The following TP53BP1 variants were observed in gnomAD, a reference collection of about 807,000 sequenced individuals.
TP53BP1 encodes TP53-binding protein 1.
In TP53BP1, 61 loss-of-function variants were observed where a neutral mutation model predicts 200.8. That is an observed-to-expected ratio of 0.30 (90% CI 0.25 to 0.38). The LOEUF (loss-of-function observed/expected upper bound fraction) is 0.38. TP53BP1 is among the 10% of genes least tolerant of loss of function. The pLI is 1.00. For missense variants in TP53BP1, 2,144 were observed against 2,371.9 expected (o/e 0.90, Z 2.00); for synonymous variants, 822 against 844.3 (o/e 0.97, Z 0.46).
At position 43,415,617 on chromosome 15, in the gene TP53BP1, C is replaced by T. The variant is rs769062157; in HGVS notation, c.5066G>A (p.Arg1689His). Residue 1689 changes from arginine to histidine, a missense_variant, in exon 23 of 28, where the codon CGC (arginine) becomes CAC (histidine). Physicochemically the swap from Arg to His is conservative, Grantham distance 29. Around this residue, in one of 4 missense-constraint regions of TP53BP1, gnomAD observed 334 missense variants for 453.4 expected, o/e 0.74. Coordinates refer to ENST00000382044, the MANE Select transcript of TP53BP1 (RefSeq NM_001141980.3). The part of the protein sequence containing the change: ...EEERSPAKRG[R>H]KSATVKPGAV... ...ACCAGGTTTTACTGTGGCAGACTTG[C>T]GACCTCGCTTGGCAGGGGACCGTTC... 1.5e-5 allele frequency: 24 copies of T among 1,614,196 alleles called. No individual in the cohort carries two copies. Among genetic ancestry groups the T allele is most frequent in the Non-Finnish European group, 2.0e-5 (24 of 1,180,030 alleles).
chr15:43,492,477 G>C lies in TP53BP1; in HGVS notation c.8-9C>G. The C allele has an allele frequency of 1.2e-6, 2 of 1,611,058 alleles. No individual in the cohort carries two copies. The highest frequency in any genetic ancestry group is 2.7e-5 in the African/African-American group (2 of 74,960). ...AGGGTCCATCTGCTCCCCTGGAATG[G>C]AATAACAAAAGATCAGTTCCGTGTA... On this transcript the variant is annotated splice_polypyrimidine_tract_variant and intron_variant, in intron 1 of 27. Coordinates refer to ENST00000382044, the MANE Select transcript of TP53BP1 (RefSeq NM_001141980.3).
chr15:43,462,767 A>T (rs1327255813), intron 11 of TP53BP1, among the ~76,000 whole-genome samples: 1 of 152,164 alleles, frequency 6.6e-6, no homozygotes, highest in African/African-American at 2.4e-5. Context: ...TTTAAACTAA[A>T]CAATTCAGGC....
intron 11 of TP53BP1, among the ~76,000 whole-genome samples, chr15:43,461,501 A>G (rs2046430687): frequency 6.6e-6 from 1 of 152,130 alleles, no homozygotes; most frequent in South Asian, 2.1e-4. Flanking sequence ...TACGGGCATG[A>G]GCTACCTCGT....
chr15:43,415,331 C>A (rs2045238130), intron 23 of TP53BP1: 1 of 526,638 alleles, frequency 1.9e-6, no homozygotes, highest in African/African-American at 1.9e-5. Flanking sequence ...ACCTCAGCCT[C>A]CCCAGTAGCT....
intron 18 of TP53BP1, among the ~76,000 whole-genome samples, chr15:43,426,153 T>C (rs960076127): frequency 2.0e-5 from 3 of 147,926 alleles, no homozygotes; most frequent in African/African-American, 7.5e-5. Context: ...ACACAAAGAA[T>C]AAAAAACAGG....
intron 24 of TP53BP1, among the ~76,000 whole-genome samples, chr15:43,412,322 C>G (rs2045139134): frequency 6.6e-6 from 1 of 152,216 alleles, no homozygotes; most frequent in African/African-American, 2.4e-5. Context: ...ATTCAATTCC[C>G]TCTTGCAAGA....
Position 43,406,446 on chromosome 15 carries a change from T to G in TP53BP1, c.*937A>C. On this transcript the variant is annotated 3_prime_UTR_variant, in exon 28 of 28. Transcript: ENST00000382044. ...CAGGAGCTGGCAAACTATGGCCTGC[T>G]GTCTGTTTTTGTACAGTTTTACTGA... 2.8e-6 allele frequency: 1 copy of G among 352,354 alleles called. No homozygotes were observed. The highest frequency in any genetic ancestry group is 5.6e-6 in the Non-Finnish European group (1 of 177,796). 21.8% of individuals were successfully genotyped at this position (352,354 alleles called of 1,614,324 possible).
At chr15:43,461,157 T>A (rs1408580969) in intron 11 of TP53BP1, among the ~76,000 whole-genome samples, 5 of 152,222 alleles carry the variant, frequency 3.3e-5, no homozygotes, top group Non-Finnish European at 1.5e-5. Flanking sequence ...AATGGTTCAC[T>A]GCTATATTAT....
chr15:43,439,130 A>T lies in TP53BP1; in HGVS notation c.3099-714T>A, dbSNP rs1296717207. Among the ~76,000 whole-genome samples, 141 of 152,362 alleles carry T rather than the reference A, an allele frequency of 9.3e-4. 3 individuals carry two copies. The highest frequency in any genetic ancestry group is 1.0e-4 in the Non-Finnish European group (7 of 68,034). On this transcript the variant is annotated intron_variant, in intron 15 of 27. Transcript: ENST00000382044. ...CTGGGTGATGAATACATGGCAGTCC[A>T]TTATACTACTCTCTCTACTTTCGTA...
At chr15:43,478,473 C>G (rs1199504702) in intron 7 of TP53BP1, among the ~76,000 whole-genome samples, 1 of 152,198 alleles carries the variant, frequency 6.6e-6, no homozygotes, top group East Asian at 1.9e-4. Flanking sequence ...CCCACTCTTT[C>G]CATTGAAGGA....
intron 4 of TP53BP1, among the ~76,000 whole-genome samples, chr15:43,481,827 AAAGAG>A (rs1477148578): frequency 1.3e-5 from 2 of 151,106 alleles, no homozygotes; most frequent in Non-Finnish European, 2.9e-5. Flanking sequence ...AAAAAAAAAA[AAAGAG>A]AGAGACAGAG....
rs1334676684 is a variant in TP53BP1 at position 43,407,432 on chromosome 15, A to G, written c.5885T>C (p.Ile1962Thr). The part of the protein sequence containing the change: ...VIQCLIVGER[I>T]GFKQHPKYKH... The stretch of plus-strand genomic sequence containing the variant: ...ATATTTTGGATGCTGCTTGAATCCA[A>G]TTCTCTCCCCAACAATGAGGCACTG... Residue 1962 changes from isoleucine to threonine, a missense_variant, in exon 28 of 28, where the codon ATT (isoleucine) becomes ACT (threonine). Around this residue, in one of 4 missense-constraint regions of TP53BP1, gnomAD observed 334 missense variants for 453.4 expected, o/e 0.74. Coordinates refer to ENST00000382044, the MANE Select transcript of TP53BP1 (RefSeq NM_001141980.3). 2 of 1,614,066 alleles carry G rather than the reference A, an allele frequency of 1.2e-6. No individual in the cohort carries two copies. The highest frequency in any genetic ancestry group is 1.3e-5 in the African/African-American group (1 of 74,916).
chr15:43,488,823 G>A (rs1286311589), intron 4 of TP53BP1, among the ~76,000 whole-genome samples: 1 of 152,190 alleles, frequency 6.6e-6, no homozygotes, highest in East Asian at 1.9e-4. Context: ...GAACCTGGGA[G>A]GCAGAGGTTG....
At chr15:43,496,842 G>A (rs939569290), upstream of TP53BP1, among the ~76,000 whole-genome samples, 1 of 152,016 alleles carries the variant, frequency 6.6e-6, no homozygotes, top group African/African-American at 2.4e-5. Flanking sequence ...AGCAGGTCTC[G>A]AACTCCGGCC....
chr15:43,498,611 G>A (rs975636647), intron 1 of TP53BP1, among the ~76,000 whole-genome samples: 1 of 152,192 alleles, frequency 6.6e-6, no homozygotes, highest in Non-Finnish European at 1.5e-5. Flanking sequence ...CTAGATTTGA[G>A]AAGACTACAA....
chr15:43,491,671 G>A lies in TP53BP1; in HGVS notation c.369C>T (p.Ser123=), dbSNP rs768701125. ...IEQLPQPNRT[S]SVLGMSVESA... ...AAACCCCTTCAAACACTGTATACCT[G>A]CTTGTCCTGTTTGGCTGAGGTAACT... The change falls in exon 4 of 28, where the codon AGC becomes AGT. Residue 123 remains serine (S), a splice_region_variant and synonymous_variant. Coordinates refer to ENST00000382044, the MANE Select transcript of TP53BP1 (RefSeq NM_001141980.3). The A allele has an allele frequency of 6.2e-7, 1 of 1,610,858 alleles. No homozygotes were observed. Among genetic ancestry groups the A allele is most frequent in the African/African-American group, 1.3e-5 (1 of 74,960 alleles).
At chr15:43,505,295 A>C (rs2079230438) in intron 1 of TP53BP1, among the ~76,000 whole-genome samples, 1 of 152,226 alleles carries the variant, frequency 6.6e-6, no homozygotes, top group African/African-American at 2.4e-5. Context: ...CTGAAAACTA[A>C]GTTATATAGT....
At chr15:43,428,312 T>C in intron 17 of TP53BP1, 144 bp from the exon 18 acceptor site, 2 of 702,026 alleles carry the variant, frequency 2.8e-6, no homozygotes, top group Non-Finnish European at 4.7e-6. Flanking sequence ...TTTATCCACC[T>C]ATAGGTAAGA....
chr15:43,453,874 A>T (rs2046230820), intron 12 of TP53BP1, among the ~76,000 whole-genome samples: 2 of 151,896 alleles, frequency 1.3e-5, no homozygotes, highest in Non-Finnish European at 2.9e-5. Flanking sequence ...CTAAAAAAAA[A>T]GTACTATTAA....
Sources: gnomAD v4.1 joint callset for allele counts (sites outside exome capture counted in the v4.1 genomes callset) on GRCh38, gnomAD v4.1.1 for gene constraint, gnomAD v4.1.1 regional missense constraint, MANE v1.5 for transcripts, NCBI Gene and HGNC (gene_info 2026-07-23, HGNC 2026-07-21) for gene names.